DGKD: variants seen among roughly 807,000 people sequenced by gnomAD.
The protein encoded by DGKD is diacylglycerol kinase delta.
Under a neutral mutation model 154.4 loss-of-function variants are expected in DGKD, and 68 were observed. The ratio of observed to expected loss-of-function variants is 0.44; its 90% CI spans 0.36 to 0.54. The LOEUF (loss-of-function observed/expected upper bound fraction) is 0.54. Among genes scored for constraint, DGKD ranks in the 20% least tolerant of loss-of-function variants. The pLI is 0.00. For missense variants in DGKD, 1,343 were observed against 1,593.6 expected (o/e 0.84, Z 2.68); for synonymous variants, 693 against 638.0 (o/e 1.09, Z -1.30).
intron 3 of DGKD, chr2:233,429,419 G>A (rs1351510548): frequency 5.2e-6 from 4 of 770,810 alleles, no homozygotes; most frequent in South Asian, 5.9e-5. Flanking sequence ...AGACAGGGAC[G>A]GTGCCGATGA....
In DGKD at chr2:233,429,815, C is replaced by T. The variant is rs76365245; in HGVS notation, c.349-4565C>T. Among the ~76,000 whole-genome samples the T allele has an allele frequency of 5.2e-3, 788 of 152,366 alleles. 12 individuals carry two copies. The highest frequency in any genetic ancestry group is 0.018 in the African/African-American group (755 of 41,582). ...TCTCTCCCAGCTCTGCTGCTTCCCA[C>T]GCCCAGCCCGGCCCCAGGTGTTCTT... On this transcript the variant is annotated intron_variant, in intron 3 of 29. Transcript: ENST00000264057.
intron 3 of DGKD, among the ~76,000 whole-genome samples, chr2:233,393,647 T>C (rs1401150753): frequency 6.6e-6 from 1 of 151,630 alleles, no homozygotes; most frequent in Non-Finnish European, 1.5e-5. Context: ...CCTACTTTCC[T>C]GTTTTCTAAT....
chr2:233,456,198 G>A (rs933015343), intron 19 of DGKD, among the ~76,000 whole-genome samples: 1 of 152,176 alleles, frequency 6.6e-6, no homozygotes, highest in Non-Finnish European at 1.5e-5. Flanking sequence ...ACGTAGGTAC[G>A]AAGGGACTCC....
At chr2:233,381,398 T>C (rs1242829021) in intron 1 of DGKD, among the ~76,000 whole-genome samples, 2 of 152,232 alleles carry the variant, frequency 1.3e-5, no homozygotes, top group African/African-American at 2.4e-5. Context: ...CAGCAGACTT[T>C]TATGCTGAAG....
In DGKD at chr2:233,449,163, G is replaced by T; in HGVS notation, c.1675G>T (p.Ala559Ser). The change falls in exon 15 of 30, where the codon GCC becomes TCC. Residue 559 changes from alanine to serine, a missense_variant. This residue lies in a region of DGKD where 409 missense variants were observed against 446.0 expected (regional missense o/e 0.92). Coordinates refer to ENST00000264057, the MANE Select transcript of DGKD (RefSeq NM_152879.3). The surrounding 1 kb of genome is among the most constrained non-coding windows in gnomAD (Gnocchi z 5.3). ...LLKTLDDESQ[A>S]SSSLPNPPPT... ...CAAGACCTTGGACGATGAGTCCCAGGCCTCGTCCTCTCTGCCCAACCCGCC... is the reference window on the plus strand; with the variant it reads ...CAAGACCTTGGACGATGAGTCCCAGTCCTCGTCCTCTCTGCCCAACCCGCC... 6.2e-7 allele frequency: 1 copy of T among 1,613,384 alleles called. No homozygotes were observed.
chr2:233,402,668 A>G (rs115390638), intron 3 of DGKD, among the ~76,000 whole-genome samples: 1,564 of 152,300 alleles, frequency 0.01, 31 homozygotes, highest in African/African-American at 0.035. Flanking sequence ...CTTGGGGACA[A>G]GGTTAGCCCC....
intron 3 of DGKD, among the ~76,000 whole-genome samples, chr2:233,433,427 T>TCTCC (rs2062593367): frequency 6.6e-6 from 1 of 151,744 alleles, no homozygotes; most frequent in African/African-American, 2.4e-5. Flanking sequence ...GGCAGTAGAT[T>TCTCC]GATGGTTACC....
chr2:233,433,445 G>A (rs371307682), intron 3 of DGKD, among the ~76,000 whole-genome samples: 14 of 152,132 alleles, frequency 9.2e-5, no homozygotes, highest in Non-Finnish European at 1.8e-4. Flanking sequence ...ACCAGAGGCT[G>A]GGAAGGGTAG....
In DGKD at chr2:233,437,364, A is replaced by T; in HGVS notation, c.820-13A>T. On this transcript the variant is annotated splice_polypyrimidine_tract_variant and intron_variant, in intron 7 of 29. Transcript: ENST00000264057. ...GCCAGTGACCCTTGGTGACGCGGGG[A>T]CTCTTGTTTCAGGTTCACACATCGT... The T allele has an allele frequency of 6.2e-7, 1 of 1,612,542 alleles. No homozygotes were observed.
At chr2:233,413,136 G>A (rs1401102291) in intron 3 of DGKD, among the ~76,000 whole-genome samples, 2 of 152,092 alleles carry the variant, frequency 1.3e-5, no homozygotes, top group African/African-American at 2.4e-5. Flanking sequence ...GGTGGCTCAC[G>A]TCCGTAATCC....
rs147611180 is a variant in DGKD, at chr2:233,371,948, A to G, written c.157-16309A>G. Among the ~76,000 whole-genome samples, 478 of 152,378 alleles carry G rather than the reference A, an allele frequency of 3.1e-3. 1 individual carries two copies. Among genetic ancestry groups the G allele is most frequent in the African/African-American group, 0.011 (444 of 41,588 alleles). On this transcript the variant is annotated intron_variant, in intron 1 of 29. Transcript: ENST00000264057. The stretch of plus-strand genomic sequence containing the variant: ...TTATGTATGGTTATGAGACATTTAC[A>G]TATTTAAAGAGTTTAAAAGGAAGTA...
intron 3 of DGKD, among the ~76,000 whole-genome samples, chr2:233,416,562 A>G (rs1179787619): frequency 6.6e-6 from 1 of 152,234 alleles, no homozygotes; most frequent in Non-Finnish European, 1.5e-5. Context: ...CTTGTTAACT[A>G]CAGTGTTACT....
chr2:233,406,090 A>G (rs538087609), intron 3 of DGKD, among the ~76,000 whole-genome samples: 52 of 152,306 alleles, frequency 3.4e-4, no homozygotes, highest in African/African-American at 1.1e-3. Flanking sequence ...TGGTAATTCC[A>G]GGCATTCCCT....
intron 18 of DGKD, 43 bp from the exon 19 acceptor site, chr2:233,454,720 C>T: frequency 8.2e-7 from 1 of 1,218,322 alleles, no homozygotes; most frequent in Non-Finnish European, 1.2e-6. Flanking sequence ...AATAAGACTG[C>T]TCAGCAGGGC....
chr2:233,372,603 T>A (rs181460951), intron 1 of DGKD, among the ~76,000 whole-genome samples: 16 of 152,152 alleles, frequency 1.1e-4, no homozygotes, highest in Admixed American at 9.2e-4. Context: ...CTTTTTTTTT[T>A]AATTTTTATT....
At chr2:233,467,291 C>A in intron 28 of DGKD, 88 bp downstream of exon 28, 1 of 934,364 alleles carries the variant, frequency 1.1e-6, no homozygotes, top group Non-Finnish European at 1.8e-6. Flanking sequence ...CTCCCTTGGC[C>A]TTGCAGCTCC....
intron 3 of DGKD, among the ~76,000 whole-genome samples, chr2:233,417,392 A>C (rs1451893850): frequency 2.0e-5 from 3 of 152,022 alleles, no homozygotes; most frequent in African/African-American, 7.3e-5. Flanking sequence ...TATGTGGTAA[A>C]ATTTGTTCAT....
At chr2:233,430,665 G>A (rs1037061731) in intron 3 of DGKD, among the ~76,000 whole-genome samples, 2 of 152,050 alleles carry the variant, frequency 1.3e-5, no homozygotes, top group African/African-American at 2.4e-5. Flanking sequence ...GAACTCCATC[G>A]CTATATTATA....
intron 3 of DGKD, among the ~76,000 whole-genome samples, chr2:233,410,030 A>G (rs2061788093): frequency 1.3e-5 from 2 of 151,936 alleles, no homozygotes; most frequent in African/African-American, 4.8e-5. Flanking sequence ...TGATCTCACC[A>G]TGTTGTCCAG....
Sources: allele counts gnomAD v4.1 joint callset (sites outside exome capture counted in the v4.1 genomes callset), GRCh38; gene constraint gnomAD v4.1.1; regional missense constraint gnomAD v4.1.1; non-coding constraint Gnocchi (gnomAD v3.1); transcripts MANE v1.5; gene names NCBI Gene and HGNC (gene_info 2026-07-23, HGNC 2026-07-21).